The following SKAP1 variants were observed in gnomAD, a reference collection of about 807,000 sequenced individuals.
SKAP1 encodes the protein src kinase-associated phosphoprotein 1.
SKAP1 carries 44 observed loss-of-function variants against 58.5 expected under a neutral mutation model. That is an observed-to-expected ratio of 0.75 (90% CI 0.59 to 0.97). SKAP1 has a LOEUF of 0.97. SKAP1 is among the 50% of genes least tolerant of loss of function. The probability of loss-of-function intolerance (pLI) is 0.00; values close to 1 mark genes in which losing one functional copy is unlikely to be tolerated. For synonymous variants in SKAP1, 127 were observed against 149.7 expected (o/e 0.85, Z 1.11); for missense variants, 390 against 435.2 (o/e 0.90, Z 0.92).
intron 2 of SKAP1, among the ~76,000 whole-genome samples, chr17:48,385,649 G>A (rs894901945): frequency 3.3e-5 from 5 of 152,166 alleles, no homozygotes; most frequent in Admixed American, 1.3e-4. Flanking sequence ...AATAGTGAAA[G>A]TCCAGAAGTA....
intron 4 of SKAP1, among the ~76,000 whole-genome samples, chr17:48,321,618 T>C (rs905033057): frequency 1.3e-5 from 2 of 152,048 alleles, no homozygotes; most frequent in African/African-American, 4.8e-5. Context: ...GACCTTGTGA[T>C]CCGCCAGCCT....
chr17:48,138,734 T>C (rs1049980661), intron 11 of SKAP1, among the ~76,000 whole-genome samples: 1 of 152,046 alleles, frequency 6.6e-6, no homozygotes, highest in African/African-American at 2.4e-5. Flanking sequence ...CAGGCTGGTC[T>C]CAAACTCCTG....
At chr17:48,220,299 A>G (rs1465241311) in intron 4 of SKAP1, among the ~76,000 whole-genome samples, 1 of 152,248 alleles carries the variant, frequency 6.6e-6, no homozygotes, top group Admixed American at 6.5e-5. Context: ...GAAAAAAACC[A>G]TACGTTTACC....
chr17:48,272,384 G>T (rs988535763), intron 4 of SKAP1, among the ~76,000 whole-genome samples: 25 of 151,686 alleles, frequency 1.6e-4, no homozygotes, highest in Admixed American at 6.6e-4. Flanking sequence ...CATCCACCTT[G>T]GCCTCCCAGG....
intron 4 of SKAP1, among the ~76,000 whole-genome samples, chr17:48,292,818 A>G (rs1224674050): frequency 6.6e-6 from 1 of 152,214 alleles, no homozygotes; most frequent in Non-Finnish European, 1.5e-5. Context: ...TGATACTGCA[A>G]CTCATAAGGA....
intron 5 of SKAP1, among the ~76,000 whole-genome samples, chr17:48,188,715 A>G (rs2064493255): frequency 1.3e-5 from 2 of 150,368 alleles, no homozygotes; most frequent in South Asian, 4.2e-4. Flanking sequence ...AGAAAAAAAA[A>G]AGGCCGGGTG....
At chr17:48,344,387 G>T in intron 4 of SKAP1, 1 of 166,466 alleles carries the variant, frequency 6.0e-6, no homozygotes, top group Non-Finnish European at 1.2e-5. Context: ...AAGGGCCTTA[G>T]GGGTTCTTCC....
intron 4 of SKAP1, among the ~76,000 whole-genome samples, chr17:48,266,929 G>A (rs565204842): frequency 3.9e-5 from 6 of 152,140 alleles, no homozygotes; most frequent in Non-Finnish European, 7.4e-5. Context: ...AAATATACAC[G>A]AATTTTCTTT....
At chr17:48,433,292 C>T (rs1473551356), upstream of SKAP1, among the ~76,000 whole-genome samples, 9 of 152,168 alleles carry the variant, frequency 5.9e-5, no homozygotes, top group African/African-American at 1.7e-4. Flanking sequence ...CAAGGCAAAA[C>T]GTGATAGTCA....
At chr17:48,154,828 G>A (rs1654701015) in intron 11 of SKAP1, among the ~76,000 whole-genome samples, 1 of 152,070 alleles carries the variant, frequency 6.6e-6, no homozygotes, top group African/African-American at 2.4e-5. Context: ...GGAGGCCAAG[G>A]CAGGCAGATC....
intron 1 of SKAP1, among the ~76,000 whole-genome samples, chr17:48,422,271 T>C (rs1022588809): frequency 6.6e-6 from 1 of 152,018 alleles, no homozygotes; most frequent in Non-Finnish European, 1.5e-5. Flanking sequence ...GGGCCACCAA[T>C]ATAAGCAAAA....
chr17:48,151,162 C>T (rs2063898863), intron 11 of SKAP1, among the ~76,000 whole-genome samples: 1 of 151,418 alleles, frequency 6.6e-6, no homozygotes, highest in South Asian at 2.1e-4. Flanking sequence ...CCTAGTTGCA[C>T]CTTAGAATCT....
At chr17:48,182,369 T>C (rs766526867) in intron 8 of SKAP1, 25 bp downstream of exon 8, 1 of 1,530,488 alleles carries the variant, frequency 6.5e-7, no homozygotes, top group East Asian at 2.3e-5. Context: ...AACTCAAGTA[T>C]TATTTCTGTA....
chr17:48,354,289 GC>G (rs1221897685), intron 3 of SKAP1, among the ~76,000 whole-genome samples: 3 of 152,134 alleles, frequency 2.0e-5, no homozygotes, highest in African/African-American at 7.2e-5. Context: ...ATTATCAACA[GC>G]CAAAACCTCT....
chr17:48,308,431 T>G (rs2066178131), intron 4 of SKAP1: 1 of 152,244 alleles, frequency 6.6e-6, no homozygotes, highest in African/African-American at 2.4e-5. Flanking sequence ...AGAGTTTTGA[T>G]GAGAAGACTT....
chr17:48,410,339 C>T (rs2067646534), intron 1 of SKAP1, among the ~76,000 whole-genome samples: 1 of 152,106 alleles, frequency 6.6e-6, no homozygotes, highest in Admixed American at 6.6e-5. Context: ...TATATAGAAA[C>T]ATATAAATCA....
At chr17:48,413,102 G>A (rs1346732476) in intron 1 of SKAP1, among the ~76,000 whole-genome samples, 1 of 151,070 alleles carries the variant, frequency 6.6e-6, no homozygotes, top group African/African-American at 2.4e-5. Context: ...GTCTACATGA[G>A]AGATCATATC....
chr17:48,203,623 G>A (rs2064757814), intron 4 of SKAP1: 1 of 152,174 alleles, frequency 6.6e-6, no homozygotes, highest in Admixed American at 6.5e-5. Context: ...GGAAGCCTGA[G>A]ATGGAAACCC....
At chr17:48,433,375 G>A (rs889970943), upstream of SKAP1, among the ~76,000 whole-genome samples, 2 of 152,138 alleles carry the variant, frequency 1.3e-5, no homozygotes, top group African/African-American at 4.8e-5. Flanking sequence ...TCCCTGCCTG[G>A]GTCCTGTTCT....
Sources: gnomAD v4.1 joint callset for allele counts (sites outside exome capture counted in the v4.1 genomes callset) on GRCh38, gnomAD v4.1.1 for gene constraint, MANE v1.5 for transcripts, NCBI Gene and HGNC (gene_info 2026-07-23, HGNC 2026-07-21) for gene names.